The following SOBP variants were observed in gnomAD, a reference collection of about 807,000 sequenced individuals.
SOBP encodes the protein sine oculis-binding protein homolog.
Under a neutral mutation model 53.6 loss-of-function variants are expected in SOBP, and 4 were observed. The ratio of observed to expected loss-of-function variants is 0.07; its 90% CI spans 0.04 to 0.17. The LOEUF (loss-of-function observed/expected upper bound fraction) is 0.17, where lower values mean the gene tolerates loss of function less well. SOBP is among the 10% of genes least tolerant of loss of function. The probability of loss-of-function intolerance (pLI) is 1.00; values close to 1 mark genes in which losing one functional copy is unlikely to be tolerated. For missense variants in SOBP, 1,088 were observed against 1,204.7 expected, an observed-to-expected ratio of 0.90 and a Z score of 1.43; for synonymous variants, 584 against 522.6, an observed-to-expected ratio of 1.12 and a Z score of -1.60.
At chr6:107,643,792 G>C (rs982791591) in intron 6 of SOBP, among the ~76,000 whole-genome samples, 8 of 152,138 alleles carry the variant, frequency 5.3e-5, no homozygotes, top group Non-Finnish European at 8.8e-5. Context: ...TAGTATCTGA[G>C]CATCATTATA....
intron 5 of SOBP, among the ~76,000 whole-genome samples, chr6:107,613,537 G>A (rs1159337910): frequency 2.6e-5 from 4 of 152,196 alleles, no homozygotes; most frequent in South Asian, 2.1e-4. Context: ...AATCAGGTCT[G>A]TTTTCTGAGA....
chr6:107,510,226 T>C (rs1006629591), intron 3 of SOBP, among the ~76,000 whole-genome samples: 1 of 152,146 alleles, frequency 6.6e-6, no homozygotes, highest in Admixed American at 6.5e-5. Flanking sequence ...TAAAGTTTTA[T>C]TTACAAAAAA....
At chr6:107,528,050 C>T (rs1195533593) in intron 3 of SOBP, among the ~76,000 whole-genome samples, 1 of 152,200 alleles carries the variant, frequency 6.6e-6, no homozygotes, top group Non-Finnish European at 1.5e-5. Flanking sequence ...CCATCTTTGC[C>T]TCTCTACCTT....
intron 4 of SOBP, among the ~76,000 whole-genome samples, chr6:107,555,568 C>A (rs1021395646): frequency 6.6e-6 from 1 of 152,230 alleles, no homozygotes; most frequent in South Asian, 2.1e-4. Flanking sequence ...AGAGGCCCAG[C>A]AGGGCACCTT....
intron 6 of SOBP, among the ~76,000 whole-genome samples, chr6:107,644,381 A>G (rs1771466968): frequency 6.6e-6 from 1 of 152,224 alleles, no homozygotes; most frequent in Non-Finnish European, 1.5e-5. Flanking sequence ...AAAGTGTCAT[A>G]TTGTTCCTCT....
chr6:107,499,705 A>C (rs550985351), intron 1 of SOBP, among the ~76,000 whole-genome samples: 1 of 152,272 alleles, frequency 6.6e-6, no homozygotes, highest in South Asian at 2.1e-4. Flanking sequence ...AAGTTCTTTG[A>C]TTTTACAGAA....
At chr6:107,619,767 A>G (rs1471300352) in intron 5 of SOBP, among the ~76,000 whole-genome samples, 2 of 152,128 alleles carry the variant, frequency 1.3e-5, no homozygotes, top group Non-Finnish European at 2.9e-5. Context: ...GCAGAAGACA[A>G]GGCCTCCCAG....
At chr6:107,500,815 A>G (rs148018472) in intron 1 of SOBP, among the ~76,000 whole-genome samples, 213 of 152,238 alleles carry the variant, frequency 1.4e-3, no homozygotes, top group South Asian at 7.9e-3. Flanking sequence ...CTGAGCCACC[A>G]CACCCAGCCT....
chr6:107,490,845 C>T (rs1040519335), intron 1 of SOBP, 133 bp downstream of exon 1: 4 of 699,466 alleles, frequency 5.7e-6, no homozygotes, highest in Non-Finnish European at 1.0e-5. Flanking sequence ...CGGCTCCGCT[C>T]CTCCTCCAGG....
At position 107,661,284 on chromosome 6, in the gene SOBP, T is replaced by A. The variant is rs1772284282; in HGVS notation, c.*3081T>A. ...CAATTCTCTTGGGATATCAAAACCA[T>A]ATATAAAGAGAAATAGAAACAATAA... On this transcript the variant is annotated 3_prime_UTR_variant, in exon 7 of 7. Transcript: ENST00000317357. Among the ~76,000 whole-genome samples, 2 of 152,222 alleles carry A rather than the reference T, an allele frequency of 1.3e-5. No homozygotes were observed. The highest frequency in any genetic ancestry group is 4.1e-4 in the South Asian group (2 of 4,838).
intron 6 of SOBP, among the ~76,000 whole-genome samples, chr6:107,642,033 A>C (rs760220716): frequency 6.6e-6 from 1 of 152,262 alleles, no homozygotes; most frequent in Non-Finnish European, 1.5e-5. Context: ...TGCATTCTGC[A>C]TGTGTAAACT....
chr6:107,626,084 A>G (rs1770448236), intron 5 of SOBP, among the ~76,000 whole-genome samples: 1 of 152,238 alleles, frequency 6.6e-6, no homozygotes. Context: ...TACTTGAAAA[A>G]CAAAAAGTTA....
chr6:107,595,111 G>C (rs776089048), intron 5 of SOBP, among the ~76,000 whole-genome samples: 23 of 152,308 alleles, frequency 1.5e-4, no homozygotes, highest in Admixed American at 1.4e-3. Flanking sequence ...GAATTCTGAA[G>C]CCAGAAAGAA....
chr6:107,573,797 T>G (rs1469858776), intron 4 of SOBP, among the ~76,000 whole-genome samples: 1 of 152,256 alleles, frequency 6.6e-6, no homozygotes, highest in Non-Finnish European at 1.5e-5. Flanking sequence ...TTATAATTAT[T>G]TAAACATCTA....
At chr6:107,605,880 G>A (rs73518926) in intron 5 of SOBP, among the ~76,000 whole-genome samples, 1 of 152,024 alleles carries the variant, frequency 6.6e-6, no homozygotes, top group African/African-American at 2.4e-5. Context: ...TAATGAGATC[G>A]CTATAGCATT....
chr6:107,611,267 C>T (rs567362464), intron 5 of SOBP, among the ~76,000 whole-genome samples: 21 of 152,172 alleles, frequency 1.4e-4, no homozygotes, highest in Non-Finnish European at 2.6e-4. Flanking sequence ...GGCTTTCTCC[C>T]AGAGAGGGGA....
rs1772156082 is a variant in SOBP at position 107,658,355 on chromosome 6, G to A, written c.*152G>A. ...GCTTCCTGTCATTAAGCATCTCAGA[G>A]GAAGCAGCCCTCCCTCGATGGCCTC... On this transcript the variant is annotated 3_prime_UTR_variant, in exon 7 of 7. Transcript: ENST00000317357. 2 of 152,680 alleles carry A rather than the reference G, an allele frequency of 1.3e-5. No individual in the cohort carries two copies. The highest frequency in any genetic ancestry group is 4.8e-5 in the African/African-American group (2 of 41,442). 9.5% of individuals were successfully genotyped at this position (152,680 alleles called of 1,614,324 possible).
chr6:107,495,000 GT>G (rs1463981441), intron 1 of SOBP, among the ~76,000 whole-genome samples: 50 of 152,326 alleles, frequency 3.3e-4, no homozygotes, highest in East Asian at 9.6e-4. Context: ...AAGTCAGCAA[GT>G]TTAAGTTTGA....
At chr6:107,638,713 A>C (rs547731986) in intron 6 of SOBP, among the ~76,000 whole-genome samples, 2 of 152,226 alleles carry the variant, frequency 1.3e-5, no homozygotes, top group East Asian at 3.9e-4. Flanking sequence ...ACTCAGGCTG[A>C]GATGTGGTGG....
Sources: gnomAD v4.1 joint callset for allele counts (sites outside exome capture counted in the v4.1 genomes callset) on GRCh38, gnomAD v4.1.1 for gene constraint, MANE v1.5 for transcripts, NCBI Gene and HGNC (gene_info 2026-07-23, HGNC 2026-07-21) for gene names.